Variants in CHD5 observed in about 807,000 individuals in gnomAD.
CHD5 encodes chromodomain helicase DNA binding protein 5.
A neutral mutation model predicts 230.3 loss-of-function variants in CHD5; 69 were observed. The observed-to-expected ratio is 0.30, with a 90% confidence interval of 0.25 to 0.37. CHD5 has a LOEUF of 0.37. CHD5 is among the 10% of genes least tolerant of loss of function. The pLI is 1.00. For missense variants in CHD5, 1,827 were observed against 2,622.8 expected (o/e 0.70, Z 6.63); for synonymous variants, 1,064 against 1,065.9 (o/e 1.00, Z 0.03).
rs1666175477 is a variant in CHD5 at position 6,106,723 on chromosome 1, G to A, written c.5635C>T (p.Pro1879Ser). Residue 1879 changes from proline (P) to serine (S), a missense_variant, in exon 39 of 42, where the codon CCA becomes TCA. Physicochemically the swap from Pro to Ser is moderately conservative, Grantham distance 74. Around this residue, in one of 14 missense-constraint regions of CHD5, gnomAD observed 208 missense variants for 302.0 expected, o/e 0.69. Transcript: ENST00000262450. Reference sequence around the variant, plus strand: ...GGGGGGATGCGGGACAGCATGGATGGCAGCCGGGTCACGTCGGCCTTCATG... The same window carrying A: ...GGGGGGATGCGGGACAGCATGGATGACAGCCGGGTCACGTCGGCCTTCATG... Reference protein sequence around the residue: ...SDMKADVTRLPSMLSRIPPVA... With the variant: ...SDMKADVTRLSSMLSRIPPVA... 2 of 1,612,086 alleles carry A rather than the reference G, an allele frequency of 1.2e-6. No individual in the cohort carries two copies. Among genetic ancestry groups the A allele is most frequent in the Non-Finnish European group, 8.5e-7 (1 of 1,179,786 alleles).
In CHD5 at chr1:6,144,071, G is replaced by T. The variant is rs771414146; in HGVS notation, c.1887C>A (p.Ile629=). Residue 629 remains isoleucine, a synonymous_variant, in exon 12 of 42, where the codon ATC becomes ATA. Coordinates refer to ENST00000262450, the MANE Select transcript of CHD5 (RefSeq NM_015557.3). ...YDQCTWEIDD[I]DIPYYDNLKQ... Reference sequence around the variant, plus strand: ...TGAGGTTGTCGTAGTAGGGGATGTCGATGTCATCGATCTCCCAGGTGCACT... The same window carrying T: ...TGAGGTTGTCGTAGTAGGGGATGTCTATGTCATCGATCTCCCAGGTGCACT... 6.2e-7 allele frequency: 1 copy of T among 1,614,052 alleles called. No individual in the cohort carries two copies. The highest frequency in any genetic ancestry group is 8.5e-7 in the Non-Finnish European group (1 of 1,180,036).
chr1:6,111,904 A>T, intron 35 of CHD5, 21 bp from the exon 36 acceptor site: 1 of 1,607,440 alleles, frequency 6.2e-7, no homozygotes. Context: ...AGCCAAGGTG[A>T]GCAGGGTGAG....
At chr1:6,120,780 G>A (rs1666456436) in intron 33 of CHD5, among the ~76,000 whole-genome samples, 1 of 152,188 alleles carries the variant, frequency 6.6e-6, no homozygotes, top group Non-Finnish European at 1.5e-5. Context: ...GTACACGCCT[G>A]TAGTCCCAGC....
chr1:6,158,755 C>T (rs1336686390), intron 3 of CHD5, among the ~76,000 whole-genome samples: 1 of 152,076 alleles, frequency 6.6e-6, no homozygotes. Flanking sequence ...CACCTGTAAT[C>T]CCAGCACTTT....
chr1:6,111,861 G>A lies in CHD5; in HGVS notation c.5163C>T (p.Asn1721=), dbSNP rs778818428. The A allele has an allele frequency of 2.2e-5, 36 of 1,613,106 alleles. No homozygotes were observed. Among genetic ancestry groups the A allele is most frequent in the Non-Finnish European group, 2.5e-5 (30 of 1,179,998 alleles). The change falls in exon 36 of 42, where the codon AAC becomes AAT. Residue 1721 remains asparagine (N), a synonymous_variant. Coordinates refer to ENST00000262450, the MANE Select transcript of CHD5 (RefSeq NM_015557.3). The part of the protein sequence containing the change: ...GFTELHTLWQ[N]EERAAVSSGK... Reference sequence around the variant, plus strand: ...CAGAGGATACAGCAGCCCGCTCCTCGTTCTGCCACAGCGTGTGCAACTCTG... The same window carrying A: ...CAGAGGATACAGCAGCCCGCTCCTCATTCTGCCACAGCGTGTGCAACTCTG...
intron 9 of CHD5, among the ~76,000 whole-genome samples, chr1:6,147,159 T>C (rs1666925027): frequency 6.6e-6 from 1 of 152,182 alleles, no homozygotes; most frequent in Non-Finnish European, 1.5e-5. Context: ...GACTGCCATG[T>C]GCATAGGACA....
intron 7 of CHD5, 51 bp downstream of exon 7, chr1:6,150,981 C>A: frequency 6.9e-7 from 1 of 1,454,086 alleles, no homozygotes; most frequent in South Asian, 1.6e-5. Context: ...CTACTCGTGC[C>A]CCACTACATC....
chr1:6,159,258 C>T, intron 3 of CHD5, 78 bp downstream of exon 3: 1 of 1,496,464 alleles, frequency 6.7e-7, no homozygotes, highest in Non-Finnish European at 9.0e-7. Context: ...CACACACACA[C>T]AGAACATACA....
Position 6,110,003 on chromosome 1 carries a change from C to T in CHD5, c.5383-13G>A, listed in dbSNP as rs139112464. 1,677 of 1,519,520 alleles carry T rather than the reference C, an allele frequency of 1.1e-3. 21 individuals carry two copies. The African/African-American group carries it at 0.02, about 18-fold the overall frequency. The allele number at this position is 1,519,520 out of a possible 1,614,324, so 94.1% of individuals were successfully genotyped here. A position where few individuals can be genotyped will look rare whatever the true frequency, so the allele number is the denominator to read the frequency against. On this transcript the variant is annotated splice_polypyrimidine_tract_variant and intron_variant, in intron 37 of 41. Coordinates refer to ENST00000262450, the MANE Select transcript of CHD5 (RefSeq NM_015557.3). The stretch of plus-strand genomic sequence containing the variant: ...CCTGCTCCAGCAGCTGGGGGCGGGG[C>T]GCAGCGTCGGCCCGGCCCCTCCCGC...
chr1:6,108,555 G>A (rs1271519597), intron 38 of CHD5, among the ~76,000 whole-genome samples: 1 of 149,230 alleles, frequency 6.7e-6, no homozygotes, highest in African/African-American at 2.5e-5. Flanking sequence ...ATGAAGGGAT[G>A]GAGGTATGAT....
chr1:6,176,674 G>A (rs755446950), intron 1 of CHD5, among the ~76,000 whole-genome samples: 26 of 152,212 alleles, frequency 1.7e-4, no homozygotes, highest in Non-Finnish European at 3.5e-4. Flanking sequence ...CACCTATCAT[G>A]TGCTGGGCAC....
intron 17 of CHD5, among the ~76,000 whole-genome samples, chr1:6,136,035 AAAAAC>A (rs1303323116): frequency 8.6e-5 from 9 of 104,290 alleles, no homozygotes; most frequent in African/African-American, 2.2e-4. Context: ...AACAAAAAAA[AAAAAC>A]ACTGCATCTC....
chr1:6,131,509 T>G lies in CHD5; in HGVS notation c.3262+122A>C. 1 of 634,288 alleles carries G rather than the reference T, an allele frequency of 1.6e-6. No individual in the cohort carries two copies. Among genetic ancestry groups the G allele is most frequent in the Non-Finnish European group, 2.9e-6 (1 of 347,044 alleles). 39.3% of individuals were successfully genotyped at this position (634,288 alleles called of 1,614,324 possible). On this transcript the variant is annotated intron_variant, in intron 21 of 41. Transcript: ENST00000262450. The surrounding 1 kb of genome is among the most constrained non-coding windows in gnomAD (Gnocchi z 5.0). The stretch of plus-strand genomic sequence containing the variant: ...ATTGGAAACTCGGACTGGCCTGCTG[T>G]CTTTAGCTGTTTGTGAGGCTGCTCA...
intron 1 of CHD5, among the ~76,000 whole-genome samples, chr1:6,174,145 G>A (rs552170675): frequency 1.3e-5 from 2 of 151,976 alleles, no homozygotes; most frequent in Non-Finnish European, 1.5e-5. Context: ...GGACAGGGAG[G>A]GACAAAAGAG....
In CHD5 at chr1:6,147,716, T is replaced by C. The variant is rs111427466; in HGVS notation, c.1384-845A>G. 3.7e-3 allele frequency among the ~76,000 whole-genome samples: 570 copies of C among 152,266 alleles called. 1 individual carries two copies. Among genetic ancestry groups the C allele is most frequent in the African/African-American group, 0.012 (518 of 41,552 alleles). ...AGAGCCTGCTTTCCCATCTGTAAAA[T>C]GGCCCACCCCTTCCTCCACCTACCA... On this transcript the variant is annotated intron_variant, in intron 9 of 41. Coordinates refer to ENST00000262450, the MANE Select transcript of CHD5 (RefSeq NM_015557.3).
At chr1:6,150,475 CGGACGGACGGAT>C (rs1215435330) in intron 7 of CHD5, among the ~76,000 whole-genome samples, 2 of 84,406 alleles carry the variant, frequency 2.4e-5, no homozygotes, top group African/African-American at 9.8e-5. Flanking sequence ...GACGGACGGA[CGGACGGACGGAT>C]GGACAAAAGG....
chr1:6,103,017 G>A lies in CHD5; in HGVS notation c.*2457C>T, dbSNP rs537189660. ...GCACTTTGGGCTCGCGTTCATGCCC[G>A]AGGACCCTGATTCTACCAGCAGCAA... On this transcript the variant is annotated 3_prime_UTR_variant, in exon 42 of 42. Coordinates refer to ENST00000262450, the MANE Select transcript of CHD5 (RefSeq NM_015557.3). The A allele has an allele frequency of 5.9e-5, 9 of 152,552 alleles. No individual in the cohort carries two copies. The highest frequency in any genetic ancestry group is 2.2e-4 in the African/African-American group (9 of 41,576). The allele number at this position is 152,552 out of a possible 1,614,324, so 9.4% of individuals were successfully genotyped here. A position where few individuals can be genotyped will look rare whatever the true frequency, so the allele number is the denominator to read the frequency against.
chr1:6,174,934 A>G (rs1186889653), intron 1 of CHD5, among the ~76,000 whole-genome samples: 1 of 145,436 alleles, frequency 6.9e-6, no homozygotes, highest in Non-Finnish European at 1.5e-5. Context: ...TGGATGAAGG[A>G]TGGATGGTGG....
chr1:6,147,842 CAGA>C (rs1331825061), intron 9 of CHD5, among the ~76,000 whole-genome samples: 1 of 151,992 alleles, frequency 6.6e-6, no homozygotes, highest in African/African-American at 2.4e-5. Context: ...GGCCGAGAGG[CAGA>C]GGAGGAGGAG....
Sources: gnomAD v4.1 joint callset for allele counts (sites outside exome capture counted in the v4.1 genomes callset) on GRCh38, gnomAD v4.1.1 for gene constraint, gnomAD v4.1.1 regional missense constraint, Gnocchi (gnomAD v3.1) non-coding constraint, MANE v1.5 for transcripts, NCBI Gene and HGNC (gene_info 2026-07-23, HGNC 2026-07-21) for gene names.